Variants in ALDH3A2 observed in about 807,000 individuals in gnomAD.
ALDH3A2 encodes aldehyde dehydrogenase 3 family member A2.
A neutral mutation model predicts 51.3 loss-of-function variants in ALDH3A2; 36 were observed. The ratio of observed to expected loss-of-function variants is 0.70; its 90% CI spans 0.54 to 0.93. The LOEUF (loss-of-function observed/expected upper bound fraction) is 0.93. Among genes scored for constraint, ALDH3A2 ranks in the 40% least tolerant of loss-of-function variants. ALDH3A2 has a pLI of 0.00. For synonymous variants in ALDH3A2, 199 were observed against 219.8 expected (o/e 0.91, Z 0.84); for missense variants, 552 against 603.1 (o/e 0.92, Z 0.89).
At chr17:19,667,402 T>G (rs775919056) in intron 8 of ALDH3A2, among the ~76,000 whole-genome samples, 1 of 152,200 alleles carries the variant, frequency 6.6e-6, no homozygotes, top group Admixed American at 6.5e-5. Context: ...TTAGGAAAAA[T>G]GTCTACAAGT....
At chr17:19,657,938 C>A in intron 5 of ALDH3A2, 76 bp downstream of exon 5, 1 of 1,192,640 alleles carries the variant, frequency 8.4e-7, no homozygotes, top group Non-Finnish European at 1.2e-6. Flanking sequence ...AGGCAGCATC[C>A]CCATTTGTTT....
Position 19,648,774 on chromosome 17 carries a change from T to A in ALDH3A2, c.-198T>A, listed in dbSNP as rs1409253460. The A allele has an allele frequency of 1.4e-6, 1 of 705,300 alleles. No homozygotes were observed. 43.7% of individuals were successfully genotyped at this position (705,300 alleles called of 1,614,324 possible). ...TCAGTCCTCCCCCGGCGCCTCCGAC[T>A]GGCAGTGGGACTCAGCGGGCGTGGA... On this transcript the variant is annotated 5_prime_UTR_variant, in exon 1 of 10. Coordinates refer to ENST00000176643, the MANE Select transcript of ALDH3A2 (RefSeq NM_000382.3).
At chr17:19,666,782 TAAATAAATAA>T (rs2085043644) in intron 8 of ALDH3A2, among the ~76,000 whole-genome samples, 1 of 28,290 alleles carries the variant, frequency 3.5e-5, no homozygotes, top group Non-Finnish European at 8.1e-5. Context: ...GATCTCAAAA[TAAATAAATAA>T]ATAAATAAAT....
chr17:19,671,590 C>G, intron 8 of ALDH3A2, 131 bp from the exon 9 acceptor site: 1 of 803,882 alleles, frequency 1.2e-6, no homozygotes, highest in Non-Finnish European at 2.1e-6. Flanking sequence ...AGAGATACTT[C>G]AGCTGGCAGA....
At chr17:19,653,693 G>A (rs1211080178) in intron 3 of ALDH3A2, among the ~76,000 whole-genome samples, 3 of 152,176 alleles carry the variant, frequency 2.0e-5, no homozygotes, top group African/African-American at 2.4e-5. Context: ...ACGGCAGTGC[G>A]GACCCAGAGT....
chr17:19,650,644 G>A (rs1338221477), intron 1 of ALDH3A2, among the ~76,000 whole-genome samples: 2 of 151,650 alleles, frequency 1.3e-5, no homozygotes, highest in African/African-American at 4.8e-5. Flanking sequence ...TAGTAGAGAC[G>A]GGGTTTCACT....
At chr17:19,659,315 A>C (rs1238097575) in intron 5 of ALDH3A2, among the ~76,000 whole-genome samples, 1 of 152,172 alleles carries the variant, frequency 6.6e-6, no homozygotes, top group Non-Finnish European at 1.5e-5. Context: ...AGGTGGGAAG[A>C]TCGCTTGAGC....
intron 5 of ALDH3A2, among the ~76,000 whole-genome samples, chr17:19,659,895 T>C (rs2084945612): frequency 6.6e-6 from 1 of 151,434 alleles, no homozygotes; most frequent in African/African-American, 2.4e-5. Flanking sequence ...AGGACAATAG[T>C]TCACTATGTG....
Position 19,663,454 on chromosome 17 carries a change from A to G in ALDH3A2, c.1062A>G (p.Glu354=), listed in dbSNP as rs111744493. Residue 354 remains glutamate, a synonymous_variant, in exon 7 of 10, where the codon GAA becomes GAG. Coordinates refer to ENST00000176643, the MANE Select transcript of ALDH3A2 (RefSeq NM_000382.3). The stretch of plus-strand genomic sequence containing the variant: ...ATGAGGCCATAAATTTCATAAATGA[A>G]CGTGAAAAGCCTCTGGCTCTTTATG... ...NVDEAINFIN[E]REKPLALYVF... The G allele has an allele frequency of 6.2e-7, 1 of 1,614,054 alleles. No homozygotes were observed. Among genetic ancestry groups the G allele is most frequent in the Non-Finnish European group, 8.5e-7 (1 of 1,180,032 alleles).
At chr17:19,651,830 A>G (rs1256816035) in intron 2 of ALDH3A2, 52 bp downstream of exon 2, 32 of 1,509,062 alleles carry the variant, frequency 2.1e-5, no homozygotes, top group Non-Finnish European at 2.3e-5. Context: ...TTATTTTCTC[A>G]TATTAATTGG....
In ALDH3A2 at chr17:19,671,762, G is replaced by T; in HGVS notation, c.1249G>T (p.Asp417Tyr). Residue 417 changes from aspartate (D) to tyrosine (Y), a missense_variant, in exon 9 of 10, where the codon GAT becomes TAT. By Grantham distance (160) the Asp-to-Tyr change is radical. Transcript: ENST00000176643. ...AGCTTATCACGGAAAACATAGTTTT[G>T]ATACTTTTTCTCATCAGCGTCCCTG... ...MGAYHGKHSF[D>Y]TFSHQRPCLL... The T allele has an allele frequency of 6.2e-7, 1 of 1,614,170 alleles. No homozygotes were observed. The highest frequency in any genetic ancestry group is 1.1e-5 in the South Asian group (1 of 91,086).
chr17:19,666,307 C>A (rs1240785362), intron 8 of ALDH3A2, among the ~76,000 whole-genome samples: 1 of 152,068 alleles, frequency 6.6e-6, no homozygotes, highest in African/African-American at 2.4e-5. Context: ...TGTCTCTGTT[C>A]CTCAGCTCAC....
intron 8 of ALDH3A2, among the ~76,000 whole-genome samples, chr17:19,669,615 T>C (rs1043629524): frequency 2.0e-5 from 3 of 152,152 alleles, no homozygotes; most frequent in Non-Finnish European, 4.4e-5. Flanking sequence ...GGTACTGCGG[T>C]TGAATCCACG....
chr17:19,672,108 T>C (rs2085124900), intron 9 of ALDH3A2, 152 bp downstream of exon 9: 1 of 756,976 alleles, frequency 1.3e-6, no homozygotes, highest in African/African-American at 1.7e-5. Context: ...TTTTTGTCAC[T>C]GAAGTTATTG....
At chr17:19,670,077 A>G (rs1339806264) in intron 8 of ALDH3A2, among the ~76,000 whole-genome samples, 2 of 152,236 alleles carry the variant, frequency 1.3e-5, no homozygotes, top group East Asian at 1.9e-4. Flanking sequence ...TTCAATACCT[A>G]AAAGTAAAAG....
In ALDH3A2 at chr17:19,665,059, T is replaced by C. The variant is rs1212472300; in HGVS notation, c.1207+12T>C. On this transcript the variant is annotated intron_variant, in intron 8 of 9. Coordinates refer to ENST00000176643, the MANE Select transcript of ALDH3A2 (RefSeq NM_000382.3). ...ATTTGGAGGAGTGGGTGAGTCTTAT[T>C]TTCTCCTGCTTGTAGTAGATATTTC... is the stretch of plus-strand genomic sequence containing the variant. 1.2e-6 allele frequency: 2 copies of C among 1,601,558 alleles called. No individual in the cohort carries two copies. The highest frequency in any genetic ancestry group is 1.7e-6 in the Non-Finnish European group (2 of 1,168,666).
chr17:19,649,227 C>A, intron 1 of ALDH3A2, 103 bp downstream of exon 1: 1 of 1,431,574 alleles, frequency 7.0e-7, no homozygotes. Flanking sequence ...TTTCGGATTA[C>A]TCCAGCACTG....
At chr17:19,661,760 T>G (rs995816213) in intron 6 of ALDH3A2, among the ~76,000 whole-genome samples, 6 of 151,510 alleles carry the variant, frequency 4.0e-5, no homozygotes, top group Admixed American at 6.6e-5. Context: ...TTTTCTACAG[T>G]AACATATAAG....
chr17:19,663,175 A>G (rs2084989476), intron 6 of ALDH3A2, among the ~76,000 whole-genome samples, 158 bp from the exon 7 acceptor site: 1 of 152,218 alleles, frequency 6.6e-6, no homozygotes, highest in Non-Finnish European at 1.5e-5. Flanking sequence ...GACATTGAGT[A>G]TGTGCACAGT....
Sources: gnomAD v4.1 joint callset for allele counts (sites outside exome capture counted in the v4.1 genomes callset) on GRCh38, gnomAD v4.1.1 for gene constraint, MANE v1.5 for transcripts, NCBI Gene and HGNC (gene_info 2026-07-23, HGNC 2026-07-21) for gene names.